The following BRD8 variants were observed in gnomAD, a reference collection of about 807,000 sequenced individuals.
BRD8 encodes bromodomain containing 8, also known as bromodomain-containing protein 8.
Under a neutral mutation model 143.1 loss-of-function variants are expected in BRD8, and 67 were observed. The observed-to-expected ratio is 0.47, with a 90% CI of 0.38 to 0.57. The LOEUF is 0.57. Among genes scored for constraint, BRD8 ranks in the 20% least tolerant of loss-of-function variants. The pLI is 0.00. For missense variants in BRD8, 1,103 were observed against 1,503.0 expected, an observed-to-expected ratio of 0.73 and a Z score of 4.40; for synonymous variants, 505 against 517.1, an observed-to-expected ratio of 0.98 and a Z score of 0.32.
chr5:138,170,696 C>T (rs1395194835), intron 6 of BRD8, 136 bp downstream of exon 6: 4 of 848,724 alleles, frequency 4.7e-6, no homozygotes, highest in Non-Finnish European at 7.8e-6. Flanking sequence ...AGCCACCAAA[C>T]CACTTTGCAG....
In BRD8 at chr5:138,164,854, C is replaced by T. The variant is rs1753272495; in HGVS notation, c.1591G>A (p.Ala531Thr). 3.1e-6 allele frequency: 5 copies of T among 1,614,104 alleles called. No homozygotes were observed. The highest frequency in any genetic ancestry group is 1.1e-5 in the South Asian group (1 of 91,092). ...AGTTCTGGTGGCTCCATACTTGTGGCTGGAACAACTCCAGCTACTATTTCG... is the reference window on the plus strand; with the variant it reads ...AGTTCTGGTGGCTCCATACTTGTGGTTGGAACAACTCCAGCTACTATTTCG... ...GAEIVAGVVP[A>T]TSMEPPELRS... Residue 531 changes from alanine (A) to threonine (T), a missense_variant, in exon 12 of 27, where the codon GCC becomes ACC. Physicochemically the swap from Ala to Thr is moderately conservative, Grantham distance 58. This residue lies in a region of BRD8 where 139 missense variants were observed against 139.0 expected (regional missense o/e 1.00). Coordinates refer to ENST00000254900, the MANE Select transcript of BRD8 (RefSeq NM_139199.2).
chr5:138,170,168 CA>C (rs1482732356), intron 7 of BRD8, among the ~76,000 whole-genome samples, 176 bp downstream of exon 7: 1 of 152,198 alleles, frequency 6.6e-6, no homozygotes, highest in East Asian at 1.9e-4. Context: ...GATCTGAGCA[CA>C]ACGCATGTTC....
At chr5:138,167,831 C>T in intron 9 of BRD8, 103 bp downstream of exon 9, 1 of 1,068,586 alleles carries the variant, frequency 9.4e-7, no homozygotes, top group Admixed American at 1.9e-5. Flanking sequence ...AAAAGTTGGG[C>T]TTTAAATCTA....
At chr5:138,168,149 A>C in intron 8 of BRD8, 71 bp from the exon 9 acceptor site, 1 of 1,150,882 alleles carries the variant, frequency 8.7e-7, no homozygotes, top group Non-Finnish European at 1.3e-6. Flanking sequence ...ACAAAGCTCC[A>C]GCAGTTGATC....
chr5:138,170,647 T>A (rs1753788366), intron 6 of BRD8, 185 bp downstream of exon 6: 11 of 751,872 alleles, frequency 1.5e-5, no homozygotes, highest in Non-Finnish European at 2.4e-5. Flanking sequence ...TACTGAAATG[T>A]CCCATTATAT....
intron 25 of BRD8, among the ~76,000 whole-genome samples, chr5:138,141,550 C>T (rs34470928): frequency 0.27 from 41,296 of 152,090 alleles, 6,071 homozygotes; most frequent in East Asian, 0.58. Flanking sequence ...ACAGGTCAAG[C>T]CACTATATTC....
rs1273021745 is a variant in BRD8, at chr5:138,151,007, A to T, written c.2858T>A (p.Val953Glu). The change falls in exon 22 of 27, where the codon GTA becomes GAA. Residue 953 changes from valine to glutamate, a missense_variant and splice_region_variant. Coordinates refer to ENST00000254900, the MANE Select transcript of BRD8 (RefSeq NM_139199.2). ...GCACAAGGGCTCCATTAAATAAGCT[A>T]CCTGCAATCAAAGTTTATTATTAGA... ...HQNLLHFLSE[V>E]AYLMEPLCIS... The T allele has an allele frequency of 6.2e-7, 1 of 1,609,192 alleles. No homozygotes were observed. The highest frequency in any genetic ancestry group is 8.5e-7 in the Non-Finnish European group (1 of 1,179,274).
intron 14 of BRD8, chr5:138,163,614 C>G (rs1254818871): frequency 2.1e-6 from 3 of 1,425,998 alleles, no homozygotes; most frequent in Non-Finnish European, 1.9e-6. Context: ...GGCGTTCCTT[C>G]TTTCCCCTTG....
At chr5:138,165,192 G>C (rs564821656) in intron 11 of BRD8, 26 bp from the exon 12 acceptor site, 1 of 1,602,212 alleles carries the variant, frequency 6.2e-7, no homozygotes, top group East Asian at 2.2e-5. Context: ...CAAGACTATT[G>C]AGGTCACAGA....
intron 21 of BRD8, among the ~76,000 whole-genome samples, chr5:138,151,886 G>T (rs1370963132): frequency 6.6e-6 from 1 of 151,182 alleles, no homozygotes. Context: ...ACAGAGTTTC[G>T]CTCTGTCGCC....
chr5:138,162,259 G>A, intron 15 of BRD8, 113 bp from the exon 16 acceptor site: 1 of 775,618 alleles, frequency 1.3e-6, no homozygotes, highest in Non-Finnish European at 2.0e-6. Flanking sequence ...GAGTGCAGTG[G>A]CATGATCATG....
intron 20 of BRD8, among the ~76,000 whole-genome samples, chr5:138,154,592 G>A (rs909447576): frequency 6.6e-6 from 1 of 152,044 alleles, no homozygotes; most frequent in African/African-American, 2.4e-5. Context: ...TGGACTAATT[G>A]AATACCTTTC....
At chr5:138,157,414 C>T in intron 20 of BRD8, 1 of 1,029,332 alleles carries the variant, frequency 9.7e-7, no homozygotes, top group Non-Finnish European at 1.4e-6. Flanking sequence ...ATATTTCTGT[C>T]TTCCCACAGA....
At chr5:138,154,273 CAT>C (rs142575994) in intron 20 of BRD8, among the ~76,000 whole-genome samples, 2,673 of 152,304 alleles carry the variant, frequency 0.018, 50 homozygotes, top group African/African-American at 0.051. Context: ...CCTTCACTCA[CAT>C]GTACACCTCC....
rs981022481 is a variant in BRD8 at position 138,149,527 on chromosome 5, G to A, written c.3278+113C>T. On this transcript the variant is annotated intron_variant, in intron 23 of 26. Coordinates refer to ENST00000254900, the MANE Select transcript of BRD8 (RefSeq NM_139199.2). ...TTATACTTAATTAATTATATTTTTTGTGTTTTCCAACTCTAATTTTCTTTA... is the reference window on the plus strand; with the variant it reads ...TTATACTTAATTAATTATATTTTTTATGTTTTCCAACTCTAATTTTCTTTA... 43 of 863,378 alleles carry A rather than the reference G, an allele frequency of 5.0e-5. 1 individual carries two copies. In the South Asian group the frequency reaches 7.5e-4, roughly 15 times the overall value. The allele number at this position is 863,378 out of a possible 1,614,324, so 53.5% of individuals were successfully genotyped here. A position where few individuals can be genotyped will look rare whatever the true frequency, so the allele number is the denominator to read the frequency against.
Position 138,172,022 on chromosome 5 carries a change from A to G in BRD8, c.186+43T>C, listed in dbSNP as rs111512165. 1.1e-5 allele frequency: 16 copies of G among 1,508,548 alleles called. No individual in the cohort carries two copies. The African/African-American group carries it at 2.1e-4, about 19-fold the overall frequency. The allele number at this position is 1,508,548 out of a possible 1,614,324, so 93.4% of individuals were successfully genotyped here. On this transcript the variant is annotated intron_variant, in intron 3 of 26. Transcript: ENST00000254900. The stretch of plus-strand genomic sequence containing the variant: ...GGGCCTGGTAGAGAACCTACTTTAC[A>G]ACCCAAAGACTGCTCTAAAAGAGCC...
intron 15 of BRD8, 70 bp from the exon 16 acceptor site, chr5:138,162,216 T>G: frequency 8.0e-7 from 1 of 1,256,106 alleles, no homozygotes. Context: ...TCTTTTCTTT[T>G]TGAGACAGGG....
intron 22 of BRD8, among the ~76,000 whole-genome samples, chr5:138,150,356 C>A (rs1191072215): frequency 6.6e-6 from 1 of 152,176 alleles, no homozygotes; most frequent in Non-Finnish European, 1.5e-5. Flanking sequence ...GATCCTACTG[C>A]CTCTGCCTCC....
intron 16 of BRD8, 72 bp from the exon 17 acceptor site, chr5:138,161,936 C>G (rs1169155483): frequency 6.3e-7 from 1 of 1,580,088 alleles, no homozygotes; most frequent in Non-Finnish European, 8.7e-7. Context: ...CTCTAAGTAA[C>G]TAAAGGTAGT....
Sources: gnomAD v4.1 joint callset for allele counts (sites outside exome capture counted in the v4.1 genomes callset) on GRCh38, gnomAD v4.1.1 for gene constraint, gnomAD v4.1.1 regional missense constraint, MANE v1.5 for transcripts, NCBI Gene and HGNC (gene_info 2026-07-23, HGNC 2026-07-21) for gene names.